NLGN1: variants seen among roughly 807,000 people sequenced by gnomAD.
NLGN1 encodes the protein neuroligin 1, also known as neuroligin-1.
NLGN1 carries 12 observed loss-of-function variants against 65.5 expected under a neutral mutation model. The ratio of observed to expected loss-of-function variants is 0.18; its 90% confidence interval spans 0.12 to 0.30. The LOEUF is 0.30. Ranked by LOEUF, NLGN1 falls within the 10% of genes least tolerant of loss-of-function variation. NLGN1 has a pLI of 1.00. For synonymous variants in NLGN1, 350 were observed against 359.5 expected (o/e 0.97, Z 0.30); for missense variants, 750 against 1,007.1 (o/e 0.74, Z 3.46).
chr3:173,933,434 G>C (rs898260756), intron 4 of NLGN1, among the ~76,000 whole-genome samples: 2 of 152,186 alleles, frequency 1.3e-5, no homozygotes, highest in South Asian at 2.1e-4. Flanking sequence ...GATGACTACA[G>C]ATGGGGATTC....
At chr3:173,446,416 T>A (rs1006737748) in intron 2 of NLGN1, among the ~76,000 whole-genome samples, 8 of 152,216 alleles carry the variant, frequency 5.3e-5, no homozygotes, top group Admixed American at 2.0e-4. Flanking sequence ...TATGGCTGCG[T>A]AGTATTCCAT....
chr3:173,736,523 G>T (rs1356343262), intron 3 of NLGN1, among the ~76,000 whole-genome samples: 1 of 152,024 alleles, frequency 6.6e-6, no homozygotes, highest in Non-Finnish European at 1.5e-5. Flanking sequence ...TGTAAGATGA[G>T]ATTCAGCCTT....
chr3:173,903,313 A>G (rs73035452), intron 4 of NLGN1, among the ~76,000 whole-genome samples: 6,335 of 152,164 alleles, frequency 0.042, 285 homozygotes, highest in African/African-American at 0.11. Context: ...GACCAGACTC[A>G]GCTACTGACT....
chr3:174,277,921 T>C (rs1750883298), intron 5 of NLGN1, among the ~76,000 whole-genome samples: 1 of 151,864 alleles, frequency 6.6e-6, no homozygotes, highest in Non-Finnish European at 1.5e-5. Context: ...TGATAATAAA[T>C]TTAAATATGT....
At chr3:174,268,020 T>C (rs2152872220) in intron 4 of NLGN1, among the ~76,000 whole-genome samples, 1 of 152,274 alleles carries the variant, frequency 6.6e-6, no homozygotes, top group East Asian at 1.9e-4. Context: ...TGTATAGTTT[T>C]TATTGTTCCT....
chr3:173,485,090 T>A (rs1727946624), intron 2 of NLGN1, among the ~76,000 whole-genome samples: 2 of 134,390 alleles, frequency 1.5e-5, no homozygotes, highest in Non-Finnish European at 3.0e-5. Flanking sequence ...GAGGAGCAAG[T>A]CATACCTTAC....
intron 3 of NLGN1, among the ~76,000 whole-genome samples, chr3:173,692,008 G>A (rs919821671): frequency 6.6e-6 from 1 of 152,018 alleles, no homozygotes; most frequent in Non-Finnish European, 1.5e-5. Flanking sequence ...TAAGGTACAC[G>A]TGGTATCTTG....
chr3:174,218,133 TAATC>T (rs1737971495), intron 4 of NLGN1, among the ~76,000 whole-genome samples: 1 of 152,072 alleles, frequency 6.6e-6, no homozygotes, highest in African/African-American at 2.4e-5. Flanking sequence ...TCCCTTTAAA[TAATC>T]AAGCAAGGTT....
Position 173,474,451 on chromosome 3 carries a change from T to C in NLGN1, c.-321+39373T>C, listed in dbSNP as rs149805257. Among the ~76,000 whole-genome samples the C allele has an allele frequency of 1.9e-3, 292 of 152,300 alleles. 1 individual carries two copies. The highest frequency in any genetic ancestry group is 6.8e-3 in the African/African-American group (281 of 41,562). On this transcript the variant is annotated intron_variant, in intron 2 of 6. Transcript: ENST00000457714. Reference sequence around the variant, plus strand: ...ATATCTATATCTATATGTGTGTGTGTGTATACAAACTATATATTCTCATAT... The same window carrying C: ...ATATCTATATCTATATGTGTGTGTGCGTATACAAACTATATATTCTCATAT...
intron 4 of NLGN1, among the ~76,000 whole-genome samples, chr3:174,124,487 A>G (rs1361317888): frequency 6.7e-6 from 1 of 149,316 alleles, no homozygotes; most frequent in Non-Finnish European, 1.5e-5. Flanking sequence ...TTATGTATAT[A>G]CACATATATG....
intron 4 of NLGN1, among the ~76,000 whole-genome samples, chr3:174,121,816 C>A (rs547517170): frequency 6.6e-6 from 1 of 152,108 alleles, no homozygotes; most frequent in Non-Finnish European, 1.5e-5. Flanking sequence ...GGGACAAAAT[C>A]GTAAACTAGA....
At chr3:173,954,296 GC>G (rs1188310143) in intron 4 of NLGN1, among the ~76,000 whole-genome samples, 1 of 152,060 alleles carries the variant, frequency 6.6e-6, no homozygotes, top group Admixed American at 6.6e-5. Context: ...GCTAAATGAA[GC>G]ACAGATGTAA....
intron 4 of NLGN1, among the ~76,000 whole-genome samples, chr3:174,111,276 C>T (rs1576928911): frequency 6.6e-6 from 1 of 151,870 alleles, no homozygotes; most frequent in Admixed American, 6.6e-5. Context: ...CCAGAAAGAC[C>T]AGTCCCCAGT....
At chr3:173,411,837 T>C (rs1302294269) in intron 1 of NLGN1, among the ~76,000 whole-genome samples, 1 of 152,122 alleles carries the variant, frequency 6.6e-6, no homozygotes, top group African/African-American at 2.4e-5. Context: ...GAAAAATTAA[T>C]ACTAGTGGCA....
intron 4 of NLGN1, among the ~76,000 whole-genome samples, chr3:173,894,330 A>T (rs1024998941): frequency 6.6e-6 from 1 of 152,208 alleles, no homozygotes; most frequent in Non-Finnish European, 1.5e-5. Context: ...AAGGCAACCA[A>T]GCTAATTGCC....
chr3:173,879,624 A>G (rs1194838410), intron 4 of NLGN1, among the ~76,000 whole-genome samples: 3 of 146,600 alleles, frequency 2.0e-5, no homozygotes, highest in African/African-American at 7.4e-5. Flanking sequence ...AATATTGATG[A>G]CTTTTTTCTG....
At position 173,399,415 on chromosome 3, in the gene NLGN1, C is replaced by CT. The variant is rs1717244000; in HGVS notation, c.-390+929dup. Among the ~76,000 whole-genome samples the CT allele has an allele frequency of 2.0e-5, 3 of 152,174 alleles. No individual in the cohort carries two copies. The South Asian group carries it at 6.2e-4, about 31-fold the overall frequency. ...CCTTCTTCCACCCCCAAAGTACTTG[C>CT]TGTCAATCTTTTCTTTATTCCCTCA... On this transcript the variant is annotated intron_variant, in intron 1 of 6. Transcript: ENST00000457714.
At chr3:173,539,482 C>T (rs1055989063) in intron 2 of NLGN1, among the ~76,000 whole-genome samples, 5 of 140,220 alleles carry the variant, frequency 3.6e-5, no homozygotes, top group Non-Finnish European at 7.6e-5. Context: ...TACGCATATG[C>T]ATGTATATGT....
chr3:173,861,515 C>CATGTGT (rs886333674), intron 4 of NLGN1, among the ~76,000 whole-genome samples: 14 of 141,452 alleles, frequency 9.9e-5, no homozygotes, highest in African/African-American at 3.6e-4. Flanking sequence ...GTAGCTGGCA[C>CATGTGT]GTGTGTGTGT....
Sources: gnomAD v4.1 joint callset for allele counts (sites outside exome capture counted in the v4.1 genomes callset) on GRCh38, gnomAD v4.1.1 for gene constraint, MANE v1.5 for transcripts, NCBI Gene and HGNC (gene_info 2026-07-23, HGNC 2026-07-21) for gene names.